ZNF675: variants seen among roughly 807,000 people sequenced by gnomAD.
ZNF675 encodes TRAF6 inhibitory zinc finger.
Under a neutral mutation model 56.1 loss-of-function variants are expected in ZNF675, and 36 were observed. That is an observed-to-expected ratio of 0.64 (90% CI 0.49 to 0.85). The LOEUF (loss-of-function observed/expected upper bound fraction) is 0.85, where lower values mean the gene tolerates loss of function less well. Among genes scored for constraint, ZNF675 ranks in the 40% least tolerant of loss-of-function variants. ZNF675 has a pLI of 0.00. For missense variants in ZNF675, 663 were observed against 654.2 expected, an observed-to-expected ratio of 1.01 and a Z score of -0.15; for synonymous variants, 200 against 218.9, an observed-to-expected ratio of 0.91 and a Z score of 0.76.
In ZNF675 at chr19:23,654,178, CGAG is replaced by C. The variant is rs765557974; in HGVS notation, c.752_754del (p.Ala251_Arg252delinsGly). ...TTCTTCACATTTGTATGGTTTCTCT[CGAG>C]CATAATCTTTTTTATATTCAGTAAG... On this transcript the variant is annotated inframe_deletion, in exon 4 of 4. Transcript: ENST00000359788. 6.2e-7 allele frequency: 1 copy of C among 1,613,994 alleles called. No homozygotes were observed. Among genetic ancestry groups the C allele is most frequent in the Non-Finnish European group, 8.5e-7 (1 of 1,179,976 alleles).
chr19:23,675,716 T>G (rs1465043092), intron 1 of ZNF675, among the ~76,000 whole-genome samples: 1 of 151,568 alleles, frequency 6.6e-6, no homozygotes, highest in Non-Finnish European at 1.5e-5. Flanking sequence ...AGAGGGAAAT[T>G]TATAGCATTA....
rs939218096 is a variant in ZNF675 at position 23,653,171 on chromosome 19, A to G, written c.*55T>C. On this transcript the variant is annotated 3_prime_UTR_variant, in exon 4 of 4. Transcript: ENST00000359788. Reference sequence around the variant, plus strand: ...ATTCTTTACATTTCTAGAATTTTTCACCAGTATGATTTCCTTTATATTTAG... The same window carrying G: ...ATTCTTTACATTTCTAGAATTTTTCGCCAGTATGATTTCCTTTATATTTAG... 19 of 1,450,584 alleles carry G rather than the reference A, an allele frequency of 1.3e-5. No individual in the cohort carries two copies. The South Asian group carries it at 2.4e-4, about 18-fold the overall frequency. 89.9% of individuals were successfully genotyped at this position (1,450,584 alleles called of 1,614,324 possible).
chr19:23,687,047 G>T lies in ZNF675; in HGVS notation c.-14C>A. 6.2e-7 allele frequency: 1 copy of T among 1,612,532 alleles called. No homozygotes were observed. Reference sequence around the variant, plus strand: ...AACTCTCACCATTTCTAGGCTTCCAGGGGGTCCTGGAGTCTTAGCTGTGGA... The same window carrying T: ...AACTCTCACCATTTCTAGGCTTCCATGGGGTCCTGGAGTCTTAGCTGTGGA... On this transcript the variant is annotated 5_prime_UTR_variant, in exon 1 of 4. It adds an upstream start codon to the 5' untranslated region. Transcript: ENST00000359788.
At chr19:23,668,120 A>C (rs934963653) in intron 1 of ZNF675, among the ~76,000 whole-genome samples, 1 of 147,358 alleles carries the variant, frequency 6.8e-6, no homozygotes, top group African/African-American at 2.5e-5. Context: ...CAACTGGTGC[A>C]CTCACAAACC....
chr19:23,679,253 C>T lies in ZNF675; in HGVS notation c.3+7778G>A, dbSNP rs1004838725. ...ATAATGCCACACACTTACAACCATA[C>T]GATCTTCAACAAAACTGACAAAGAG... On this transcript the variant is annotated intron_variant, in intron 1 of 3. Coordinates refer to ENST00000359788, the MANE Select transcript of ZNF675 (RefSeq NM_138330.3). Among the ~76,000 whole-genome samples the T allele has an allele frequency of 1.3e-4, 19 of 150,676 alleles. 1 individual carries two copies. The highest frequency in any genetic ancestry group is 4.2e-4 in the African/African-American group (17 of 40,612).
At chr19:23,668,688 G>C (rs1330177421) in intron 1 of ZNF675, among the ~76,000 whole-genome samples, 1 of 152,230 alleles carries the variant, frequency 6.6e-6, no homozygotes, top group Non-Finnish European at 1.5e-5. Context: ...AGGCAGCTAA[G>C]GCCCGGCGAG....
chr19:23,664,657 T>C (rs111227249), intron 1 of ZNF675, among the ~76,000 whole-genome samples: 1 of 152,228 alleles, frequency 6.6e-6, no homozygotes, highest in East Asian at 1.9e-4. Flanking sequence ...AGGCACTTAA[T>C]TAAAACAACA....
intron 3 of ZNF675, among the ~76,000 whole-genome samples, chr19:23,659,004 T>C (rs1568289359): frequency 6.8e-6 from 1 of 147,612 alleles, no homozygotes; most frequent in Non-Finnish European, 1.5e-5. Flanking sequence ...GATCTATATA[T>C]ATAAAATGTT....
At chr19:23,654,867 A>AG (rs1330685694) in intron 3 of ZNF675, 161 bp from the exon 4 acceptor site, 3 of 312,028 alleles carry the variant, frequency 9.6e-6, no homozygotes, top group African/African-American at 7.4e-5. Context: ...AGAGCCACAT[A>AG]GAAAAAAAAA....
intron 1 of ZNF675, among the ~76,000 whole-genome samples, chr19:23,665,652 C>G (rs550242950): frequency 5.3e-5 from 8 of 152,130 alleles, no homozygotes; most frequent in Non-Finnish European, 1.5e-5. Flanking sequence ...CCTGCCACCA[C>G]AAGCAGCTAA....
At chr19:23,662,019 G>A (rs565471561) in intron 3 of ZNF675, 95 bp downstream of exon 3, 43 of 887,380 alleles carry the variant, frequency 4.8e-5, no homozygotes, top group Non-Finnish European at 7.7e-5. Flanking sequence ...TTTAAAACAC[G>A]GCTTCCCAAA....
Position 23,654,446 on chromosome 19 carries a change from T to C in ZNF675, c.487A>G (p.Lys163Glu), listed in dbSNP as rs186683547. The C allele has an allele frequency of 6.2e-7, 1 of 1,606,094 alleles. No individual in the cohort carries two copies. The highest frequency in any genetic ancestry group is 2.2e-5 in the East Asian group (1 of 44,780). Reference protein sequence around the residue: ...FNKFSHSDRHKIKHMENKPFK... With the variant: ...FNKFSHSDRHEIKHMENKPFK... ...GGTTTATTTTCCATATGTTTTATCT[T>C]ATGTCTATCTGAATGTGAAAATTTA... The change falls in exon 4 of 4, where the codon AAG (lysine) becomes GAG (glutamate). Residue 163 changes from lysine (K) to glutamate (E), a missense_variant. Physicochemically the swap from Lys to Glu is moderately conservative, Grantham distance 56 (BLOSUM62 1). This residue lies in a region of ZNF675 where 617 missense variants were observed against 590.5 expected (regional missense o/e 1.04). Coordinates refer to ENST00000359788, the MANE Select transcript of ZNF675 (RefSeq NM_138330.3).
At position 23,654,028 on chromosome 19, in the gene ZNF675, T is replaced by C. The variant is rs994469232; in HGVS notation, c.905A>G (p.His302Arg). The change falls in exon 4 of 4, where the codon CAT becomes CGT. Residue 302 changes from histidine to arginine, a missense_variant. This residue lies in a region of ZNF675 where 617 missense variants were observed against 590.5 expected (regional missense o/e 1.04). Transcript: ENST00000359788. ...TTGCTCTCCAGTATGAATTTTTTTA[T>C]GTGTAGTAAGATTTGAGAACTGGTT... is the stretch of plus-strand genomic sequence containing the variant. ...AFNQFSNLTT[H>R]KKIHTGEQPY... is the part of the protein sequence containing the mutation. 7 of 1,613,758 alleles carry C rather than the reference T, an allele frequency of 4.3e-6. No homozygotes were observed. Among genetic ancestry groups the C allele is most frequent in the Non-Finnish European group, 5.1e-6 (6 of 1,180,000 alleles).
intron 1 of ZNF675, among the ~76,000 whole-genome samples, chr19:23,666,811 T>A (rs1968157567): frequency 6.6e-6 from 1 of 150,550 alleles, no homozygotes; most frequent in Non-Finnish European, 1.5e-5. Context: ...TCTCCTCCCC[T>A]CCCCCCAACC....
Position 23,653,540 on chromosome 19 carries a change from A to G in ZNF675, c.1393T>C (p.Ser465Pro). The G allele has an allele frequency of 6.2e-7, 1 of 1,613,208 alleles. No individual in the cohort carries two copies. Among genetic ancestry groups the G allele is most frequent in the Non-Finnish European group, 8.5e-7 (1 of 1,179,794 alleles). Residue 465 changes from serine to proline, a missense_variant, in exon 4 of 4, where the codon TCA (serine) becomes CCA (proline). Physicochemically the swap from Ser to Pro is moderately conservative, Grantham distance 74 (BLOSUM62 -1). Coordinates refer to ENST00000359788, the MANE Select transcript of ZNF675 (RefSeq NM_138330.3). ...EECGKAFIQS[S>P]KLTEHKKIHS... ...ATTTTCTTATGTTCAGTAAGTTTTGAGGATTGGATAAAAGCTTTGCCACAT... is the reference window on the plus strand; with the variant it reads ...ATTTTCTTATGTTCAGTAAGTTTTGGGGATTGGATAAAAGCTTTGCCACAT...
intron 1 of ZNF675, among the ~76,000 whole-genome samples, chr19:23,681,072 A>G (rs905936947): frequency 2.0e-5 from 3 of 151,810 alleles, no homozygotes; most frequent in African/African-American, 7.3e-5. Flanking sequence ...TGTACTACAG[A>G]TAGTGGCTTA....
chr19:23,654,172 TTC>T lies in ZNF675; in HGVS notation c.759_760del (p.Lys254ThrfsTer5), dbSNP rs1177647303. 23 of 1,613,974 alleles carry T rather than the reference TTC, an allele frequency of 1.4e-5. No homozygotes were observed. The highest frequency in any genetic ancestry group is 1.9e-5 in the Non-Finnish European group (23 of 1,180,008). On this transcript the variant is annotated frameshift_variant, in exon 4 of 4. Transcript: ENST00000359788. LOFTEE classifies it high-confidence loss of function. Reference sequence around the variant, plus strand: ...GCCACATTCTTCACATTTGTATGGTTTCTCTCGAGCATAATCTTTTTTATATT... The same window carrying T: ...GCCACATTCTTCACATTTGTATGGTTTCTCGAGCATAATCTTTTTTATATT...
intron 1 of ZNF675, among the ~76,000 whole-genome samples, chr19:23,678,060 G>A (rs1968323463): frequency 6.6e-6 from 1 of 150,968 alleles, no homozygotes; most frequent in Non-Finnish European, 1.5e-5. Context: ...GCGGGAGGCT[G>A]CAGTGAACCA....
At chr19:23,667,062 T>G (rs546068993) in intron 1 of ZNF675, among the ~76,000 whole-genome samples, 18 of 152,224 alleles carry the variant, frequency 1.2e-4, no homozygotes, top group South Asian at 8.3e-4. Flanking sequence ...GTCTGGAGTT[T>G]GTTCCTTCTG....
Sources: gnomAD v4.1 joint callset for allele counts (sites outside exome capture counted in the v4.1 genomes callset) on GRCh38, gnomAD v4.1.1 for gene constraint, gnomAD v4.1.1 regional missense constraint, MANE v1.5 for transcripts, NCBI Gene and HGNC (gene_info 2026-07-23, HGNC 2026-07-21) for gene names.